The following CSMD1 variants were observed in gnomAD, a reference collection of about 807,000 sequenced individuals.
CSMD1 encodes CUB and sushi domain-containing protein 1.
A neutral mutation model predicts 417.5 loss-of-function variants in CSMD1; 213 were observed. The ratio of observed to expected loss-of-function variants is 0.51; its 90% CI spans 0.46 to 0.57. CSMD1 has a LOEUF of 0.57. CSMD1 is among the 20% of genes least tolerant of loss of function. The pLI is 0.00. For synonymous variants in CSMD1, 2,862 were observed against 1,736.8 expected (o/e 1.65, Z -16.11); for missense variants, 6,923 against 4,529.7 (o/e 1.53, Z -15.17).
At chr8:4,205,299 GATT>G (rs1242923996) in intron 3 of CSMD1, among the ~76,000 whole-genome samples, 14 of 152,234 alleles carry the variant, frequency 9.2e-5, no homozygotes, top group African/African-American at 3.4e-4. Flanking sequence ...CCTTGAAAAA[GATT>G]ATTGTTATTT....
intron 2 of CSMD1, among the ~76,000 whole-genome samples, chr8:4,465,273 G>C (rs1585122490): frequency 6.6e-6 from 1 of 152,088 alleles, no homozygotes; most frequent in Admixed American, 6.6e-5. Flanking sequence ...TCCAGTGCCT[G>C]TGACCCAGGT....
chr8:4,077,317 ATATATG>A (rs1190578947), intron 3 of CSMD1, among the ~76,000 whole-genome samples: 1 of 130,042 alleles, frequency 7.7e-6, no homozygotes, highest in Non-Finnish European at 1.7e-5. Flanking sequence ...ATATATATAT[ATATATG>A]GTAGACATAT....
At chr8:4,040,869 G>C (rs17063217) in intron 3 of CSMD1, among the ~76,000 whole-genome samples, 4 of 152,040 alleles carry the variant, frequency 2.6e-5, no homozygotes, top group South Asian at 2.1e-4. Flanking sequence ...GCTGTTGCAA[G>C]ATAATGTTCA....
intron 5 of CSMD1, among the ~76,000 whole-genome samples, chr8:3,938,928 A>G (rs1050875556): frequency 2.0e-5 from 3 of 152,154 alleles, no homozygotes; most frequent in African/African-American, 7.2e-5. Flanking sequence ...TCTCAAACAC[A>G]GTAACATTTT....
intron 3 of CSMD1, among the ~76,000 whole-genome samples, chr8:4,303,400 T>C (rs901727507): frequency 1.6e-4 from 24 of 150,838 alleles, no homozygotes; most frequent in Non-Finnish European, 2.8e-4. Context: ...CATTGTCTCA[T>C]TTATATATTG....
chr8:3,006,726 A>G (rs1338577353), intron 52 of CSMD1, among the ~76,000 whole-genome samples: 2 of 151,772 alleles, frequency 1.3e-5, no homozygotes, highest in African/African-American at 4.9e-5. Flanking sequence ...CCATATGTAG[A>G]AAGCTGAAAC....
At chr8:3,454,645 C>A (rs1563054565) in intron 12 of CSMD1, among the ~76,000 whole-genome samples, 1 of 152,208 alleles carries the variant, frequency 6.6e-6, no homozygotes, top group Non-Finnish European at 1.5e-5. Context: ...TTGGCCCCCA[C>A]TCTCTTCTGG....
intron 2 of CSMD1, among the ~76,000 whole-genome samples, chr8:4,612,155 A>T (rs1326335826): frequency 6.6e-6 from 1 of 152,094 alleles, no homozygotes; most frequent in African/African-American, 2.4e-5. Context: ...CTGATCGGAG[A>T]CGGTCGGTGG....
chr8:3,321,624 A>C (rs988790074), intron 23 of CSMD1, among the ~76,000 whole-genome samples: 1 of 152,198 alleles, frequency 6.6e-6, no homozygotes, highest in Non-Finnish European at 1.5e-5. Flanking sequence ...TCTGGCAGTG[A>C]AAGTGGAAAC....
chr8:3,450,768 T>C (rs1815653470), intron 12 of CSMD1, among the ~76,000 whole-genome samples: 1 of 152,098 alleles, frequency 6.6e-6, no homozygotes, highest in Non-Finnish European at 1.5e-5. Flanking sequence ...AGTGCCACAG[T>C]AAACATACGT....
At chr8:4,386,255 C>G (rs973007018) in intron 3 of CSMD1, among the ~76,000 whole-genome samples, 43 of 151,998 alleles carry the variant, frequency 2.8e-4, no homozygotes, top group African/African-American at 1.0e-3. Flanking sequence ...CAGACATTCT[C>G]CTACCTTCCA....
intron 10 of CSMD1, among the ~76,000 whole-genome samples, chr8:3,498,944 C>T (rs572263733): frequency 1.2e-4 from 18 of 152,140 alleles, no homozygotes; most frequent in South Asian, 4.2e-4. Flanking sequence ...ATTCTCACGG[C>T]GTATCTTTAA....
chr8:4,863,369 T>C (rs895732275), intron 1 of CSMD1, among the ~76,000 whole-genome samples: 44 of 152,110 alleles, frequency 2.9e-4, no homozygotes, highest in African/African-American at 5.1e-4. Context: ...AACATTATTA[T>C]GAATGCAAGC....
At chr8:3,653,562 G>A (rs1466646721) in intron 7 of CSMD1, among the ~76,000 whole-genome samples, 1 of 152,164 alleles carries the variant, frequency 6.6e-6, no homozygotes, top group Non-Finnish European at 1.5e-5. Context: ...GCGCACCTCA[G>A]CCTCCCAAAG....
intron 5 of CSMD1, among the ~76,000 whole-genome samples, chr8:3,848,042 C>T (rs905544190): frequency 1.3e-4 from 20 of 151,558 alleles, no homozygotes; most frequent in Non-Finnish European, 2.8e-4. Context: ...TTTATTTTGT[C>T]TAATCTTCTT....
intron 49 of CSMD1, among the ~76,000 whole-genome samples, chr8:3,072,004 C>T (rs1315798172): frequency 1.3e-5 from 2 of 152,164 alleles, no homozygotes; most frequent in Non-Finnish European, 1.5e-5. Context: ...GGTCTATTAA[C>T]AGAAAACAAG....
intron 3 of CSMD1, among the ~76,000 whole-genome samples, chr8:4,057,295 A>T (rs1285437301): frequency 6.6e-6 from 1 of 152,000 alleles, no homozygotes; most frequent in Non-Finnish European, 1.5e-5. Context: ...GATGGTGAGC[A>T]TTTTTTCATG....
At chr8:4,546,799 T>G (rs1244556005) in intron 2 of CSMD1, among the ~76,000 whole-genome samples, 1 of 151,812 alleles carries the variant, frequency 6.6e-6, no homozygotes, top group Non-Finnish European at 1.5e-5. Flanking sequence ...TAAAAATATA[T>G]GCATAGTTAT....
intron 1 of CSMD1, among the ~76,000 whole-genome samples, chr8:4,730,752 T>TAA (rs113132655): frequency 3.9e-4 from 51 of 132,254 alleles, no homozygotes; most frequent in African/African-American, 1.1e-3. Context: ...AAAAAACAAA[T>TAA]AAAAAAAAAA....
Sources: allele counts gnomAD v4.1 joint callset (sites outside exome capture counted in the v4.1 genomes callset), GRCh38; gene constraint gnomAD v4.1.1; transcripts MANE v1.5; gene names NCBI Gene and HGNC (gene_info 2026-07-23, HGNC 2026-07-21).